Variants in ADGRL3 observed in about 807,000 individuals in gnomAD.
ADGRL3 encodes calcium-independent alpha-latrotoxin receptor 3.
ADGRL3 carries 62 observed loss-of-function variants against 153.5 expected under a neutral mutation model. The ratio of observed to expected loss-of-function variants is 0.40; its 90% CI spans 0.33 to 0.50. The LOEUF is 0.50. Among genes scored for constraint, ADGRL3 ranks in the 20% least tolerant of loss-of-function variants. The pLI is 0.47. For synonymous variants in ADGRL3, 710 were observed against 672.5 expected (o/e 1.06, Z -0.86); for missense variants, 1,641 against 1,859.4 (o/e 0.88, Z 2.16).
At chr4:61,608,197 C>A (rs2099040012) in intron 5 of ADGRL3, among the ~76,000 whole-genome samples, 1 of 152,200 alleles carries the variant, frequency 6.6e-6, no homozygotes, top group Non-Finnish European at 1.5e-5. Context: ...CCCACATTTG[C>A]ACACACAGCT....
At chr4:61,394,474 G>A (rs996448175) in intron 2 of ADGRL3, among the ~76,000 whole-genome samples, 18 of 151,966 alleles carry the variant, frequency 1.2e-4, no homozygotes, top group South Asian at 1.0e-3. Context: ...TCCCCTTACT[G>A]AACTTTTACA....
chr4:61,685,162 C>T lies in ADGRL3; in HGVS notation c.583+8227C>T, dbSNP rs113826925. Among the ~76,000 whole-genome samples the T allele has an allele frequency of 2.1e-3, 319 of 152,192 alleles. 5 individuals carry two copies. The highest frequency in any genetic ancestry group is 7.3e-3 in the African/African-American group (304 of 41,542). On this transcript the variant is annotated intron_variant, in intron 6 of 26. Transcript: ENST00000683033. ...CAAACTCCTGGGCTCAAGAGATCCA[C>T]CCACCTCGGCCTCCCAAAGTTTTGG... is the stretch of plus-strand genomic sequence containing the variant.
At chr4:61,700,963 G>A (rs1016006424) in intron 6 of ADGRL3, among the ~76,000 whole-genome samples, 2 of 152,172 alleles carry the variant, frequency 1.3e-5, no homozygotes, top group African/African-American at 4.8e-5. Context: ...CCACTTGTAA[G>A]TAGAGACCTG....
rs773880273 is a variant in ADGRL3 at position 61,936,022 on chromosome 4, C to A, written c.2396C>A (p.Thr799Asn). 6.2e-7 allele frequency: 1 copy of A among 1,610,946 alleles called. No individual in the cohort carries two copies. The highest frequency in any genetic ancestry group is 8.5e-7 in the Non-Finnish European group (1 of 1,178,544). ...HGSTIQLSAN[T>N]LKQNGRNGEI... is the part of the protein sequence containing the mutation. ...AGCACTATCCAGCTGTCTGCAAATA[C>A]CTTAAAGCAAAATGGCCGAAATGGT... The change falls in exon 15 of 27, where the codon ACC (threonine) becomes AAC (asparagine). Residue 799 changes from threonine to asparagine, a missense_variant. Transcript: ENST00000683033.
intron 17 of ADGRL3, among the ~76,000 whole-genome samples, chr4:61,952,971 T>G (rs1387017229): frequency 6.6e-6 from 1 of 152,202 alleles, no homozygotes; most frequent in Non-Finnish European, 1.5e-5. Flanking sequence ...AAAGCATGTG[T>G]GTCCTGGAAT....
rs1745497097 is a variant in ADGRL3, at chr4:62,071,007, T to C, written c.*99T>C. On this transcript the variant is annotated 3_prime_UTR_variant, in exon 27 of 27. Transcript: ENST00000683033. Reference sequence around the variant, plus strand: ...GTAATAATGTGTGTACTCCTAAATCTTTATGCTGTCCTCTAAAGACAAACA... The same window carrying C: ...GTAATAATGTGTGTACTCCTAAATCCTTATGCTGTCCTCTAAAGACAAACA... 2 of 1,019,946 alleles carry C rather than the reference T, an allele frequency of 2.0e-6. No homozygotes were observed. The highest frequency in any genetic ancestry group is 3.6e-5 in the South Asian group (2 of 56,146). The allele number at this position is 1,019,946 out of a possible 1,614,324, so 63.2% of individuals were successfully genotyped here.
intron 6 of ADGRL3, among the ~76,000 whole-genome samples, chr4:61,706,933 A>G (rs2095867349): frequency 1.3e-5 from 2 of 152,186 alleles, no homozygotes; most frequent in Admixed American, 6.5e-5. Context: ...GCATGGCTTC[A>G]TTACTAAACT....
At chr4:61,731,522 TATA>T (rs1452258223) in intron 7 of ADGRL3, among the ~76,000 whole-genome samples, 1 of 152,078 alleles carries the variant, frequency 6.6e-6, no homozygotes, top group African/African-American at 2.4e-5. Flanking sequence ...GCTTTGCAAA[TATA>T]TTAGAGCAGT....
At chr4:61,815,834 A>G (rs2097682500) in intron 9 of ADGRL3, among the ~76,000 whole-genome samples, 1 of 152,214 alleles carries the variant, frequency 6.6e-6, no homozygotes, top group African/African-American at 2.4e-5. Context: ...AGGAGGTGCC[A>G]TCTTGGAAAC....
intron 1 of ADGRL3, among the ~76,000 whole-genome samples, chr4:61,352,424 T>C (rs893099353): frequency 1.9e-4 from 29 of 151,966 alleles, no homozygotes; most frequent in African/African-American, 6.8e-4. Context: ...AATTTCACTC[T>C]GTCACCCAAG....
chr4:61,406,343 A>C (rs1369950277), intron 2 of ADGRL3, among the ~76,000 whole-genome samples: 1 of 151,984 alleles, frequency 6.6e-6, no homozygotes, highest in African/African-American at 2.4e-5. Context: ...GTTGGGTGTT[A>C]AATTTCGTAG....
intron 9 of ADGRL3, among the ~76,000 whole-genome samples, chr4:61,853,883 A>C (rs1394624199): frequency 6.6e-6 from 1 of 152,204 alleles, no homozygotes; most frequent in Non-Finnish European, 1.5e-5. Flanking sequence ...CCCTAACATA[A>C]TTGTTTTTAT....
At chr4:61,975,884 A>G (rs180729405) in intron 17 of ADGRL3, among the ~76,000 whole-genome samples, 60 of 152,266 alleles carry the variant, frequency 3.9e-4, no homozygotes, top group African/African-American at 1.4e-3. Context: ...AACAGAAGGA[A>G]GAGCAGATTG....
At chr4:61,611,785 G>A (rs1271641707) in intron 5 of ADGRL3, among the ~76,000 whole-genome samples, 1 of 152,048 alleles carries the variant, frequency 6.6e-6, no homozygotes, top group African/African-American at 2.4e-5. Context: ...ATTGGGTGTG[G>A]TGGTGTGTGC....
chr4:61,691,306 TATTA>T (rs2095535575), intron 6 of ADGRL3, among the ~76,000 whole-genome samples: 1 of 152,170 alleles, frequency 6.6e-6, no homozygotes, highest in Non-Finnish European at 1.5e-5. Context: ...GCTTGAACAC[TATTA>T]GGAGCTGTTT....
At chr4:61,461,229 C>T (rs536737121) in intron 2 of ADGRL3, among the ~76,000 whole-genome samples, 3 of 152,176 alleles carry the variant, frequency 2.0e-5, no homozygotes, top group East Asian at 1.9e-4. Flanking sequence ...TATGAGATTT[C>T]GGTGGGGACA....
intron 5 of ADGRL3, among the ~76,000 whole-genome samples, chr4:61,664,533 T>C (rs1392560121): frequency 2.0e-5 from 3 of 152,122 alleles, no homozygotes; most frequent in Non-Finnish European, 4.4e-5. Context: ...TTTTTTTAAT[T>C]TTTTCATTTT....
At chr4:61,550,478 C>T (rs113066953) in intron 4 of ADGRL3, among the ~76,000 whole-genome samples, 20 of 152,022 alleles carry the variant, frequency 1.3e-4, no homozygotes, top group Non-Finnish European at 2.8e-4. Context: ...TGCATGCATG[C>T]ATGTGTATAT....
chr4:61,432,354 T>C (rs527423823), intron 2 of ADGRL3, among the ~76,000 whole-genome samples: 66 of 152,280 alleles, frequency 4.3e-4, no homozygotes, highest in Non-Finnish European at 8.2e-4. Context: ...AGATTACATA[T>C]AAAGCAGGCT....
Sources: allele counts gnomAD v4.1 joint callset (sites outside exome capture counted in the v4.1 genomes callset), GRCh38; gene constraint gnomAD v4.1.1; transcripts MANE v1.5; gene names NCBI Gene and HGNC (gene_info 2026-07-23, HGNC 2026-07-21).